Variants in MAGOH observed in about 807,000 individuals in gnomAD.
MAGOH encodes protein mago nashi homolog.
MAGOH carries 3 observed loss-of-function variants against 20.9 expected under a neutral mutation model. The observed-to-expected ratio is 0.14, with a 90% CI of 0.07 to 0.37. MAGOH has a LOEUF of 0.37. Among genes scored for constraint, MAGOH ranks in the 10% least tolerant of loss-of-function variants. The pLI is 1.00. For synonymous variants in MAGOH, 51 were observed against 61.0 expected (o/e 0.84, Z 0.76); for missense variants, 66 against 178.1 (o/e 0.37, Z 3.58).
At chr1:53,232,899 G>C (rs761619666) in intron 3 of MAGOH, among the ~76,000 whole-genome samples, 2 of 152,218 alleles carry the variant, frequency 1.3e-5, no homozygotes, top group Non-Finnish European at 2.9e-5. Flanking sequence ...TCAGGAGTTT[G>C]AGACTAGCCT....
chr1:53,235,518 C>T, intron 2 of MAGOH, 59 bp downstream of exon 2: 1 of 1,438,454 alleles, frequency 7.0e-7, no homozygotes, highest in South Asian at 1.2e-5. Context: ...AAAAACAATG[C>T]AAGACAAAAA....
chr1:53,229,956 A>G lies in MAGOH; in HGVS notation c.259-1002T>C, dbSNP rs185925197. ...ACAAAAACAAAAACCAAAGAATCTA[A>G]TCTATCTAGGCAACTTCCAGACCTT... On this transcript the variant is annotated intron_variant, in intron 3 of 4. Transcript: ENST00000371470. 0.017 allele frequency among the ~76,000 whole-genome samples: 2,520 copies of G among 152,002 alleles called. 117 individuals are homozygous for G. In the East Asian group the frequency reaches 0.2, roughly 12 times the overall value.
In MAGOH at chr1:53,227,565, A is replaced by C. The variant is rs12137860; in HGVS notation, c.342-421T>G. On this transcript the variant is annotated intron_variant, in intron 4 of 4. Coordinates refer to ENST00000371470, the MANE Select transcript of MAGOH (RefSeq NM_002370.4). Reference sequence around the variant, plus strand: ...TGTTTTGTTTTGTTTTTTGAGACAGAGTTTTGCTCTTGTTGCCCAGGCTGG... The same window carrying C: ...TGTTTTGTTTTGTTTTTTGAGACAGCGTTTTGCTCTTGTTGCCCAGGCTGG... Among the ~76,000 whole-genome samples, 619 of 152,096 alleles carry C rather than the reference A, an allele frequency of 4.1e-3. 5 individuals carry two copies. Among genetic ancestry groups the C allele is most frequent in the Non-Finnish European group, 6.3e-3 (431 of 67,988 alleles).
chr1:53,233,746 G>T, intron 2 of MAGOH, 94 bp from the exon 3 acceptor site: 2 of 827,074 alleles, frequency 2.4e-6, no homozygotes, highest in Non-Finnish European at 2.0e-6. Flanking sequence ...TGTTCCTGCA[G>T]ACTTATTTCT....
intron 2 of MAGOH, 181 bp from the exon 3 acceptor site, chr1:53,233,833 A>T (rs1358012338): frequency 1.8e-6 from 1 of 543,450 alleles, no homozygotes; most frequent in Non-Finnish European, 3.3e-6. Context: ...AGAAGTATCC[A>T]GTAACTGCAC....
At chr1:53,230,836 T>C (rs1311323108) in intron 3 of MAGOH, among the ~76,000 whole-genome samples, 3 of 152,244 alleles carry the variant, frequency 2.0e-5, no homozygotes, top group Non-Finnish European at 4.4e-5. Flanking sequence ...TTTATCAATG[T>C]TGAGTTACAC....
At chr1:53,231,595 T>G (rs1219537228) in intron 3 of MAGOH, among the ~76,000 whole-genome samples, 1 of 152,250 alleles carries the variant, frequency 6.6e-6, no homozygotes, top group Non-Finnish European at 1.5e-5. Flanking sequence ...AGTCCACCTC[T>G]GTAGCACACT....
At chr1:53,235,698 T>C (rs113115846) in intron 1 of MAGOH, 63 bp from the exon 2 acceptor site, 3 of 1,352,442 alleles carry the variant, frequency 2.2e-6, no homozygotes, top group Non-Finnish European at 1.1e-6. Context: ...ATCAATACCA[T>C]GCCAAGGCAT....
chr1:53,233,576 G>C lies in MAGOH; in HGVS notation c.224C>G (p.Ala75Gly), dbSNP rs773037471. The C allele has an allele frequency of 6.2e-7, 1 of 1,614,006 alleles. No individual in the cohort carries two copies. The highest frequency in any genetic ancestry group is 2.2e-5 in the East Asian group (1 of 44,884). Reference protein sequence around the residue: ...DDSEITKEDDALWPPPDRVGR... With the variant: ...DDSEITKEDDGLWPPPDRVGR... The stretch of plus-strand genomic sequence containing the variant: ...CACTCGGTCAGGAGGAGGCCACAAT[G>C]CATCATCCTCTTTGGTAATTTCACT... The change falls in exon 3 of 5, where the codon GCA becomes GGA. Residue 75 changes from alanine to glycine, a missense_variant. By Grantham distance (60) the Ala-to-Gly change is moderately conservative (BLOSUM62 0). Transcript: ENST00000371470.
intron 1 of MAGOH, 90 bp from the exon 2 acceptor site, chr1:53,235,725 T>G: frequency 1.1e-6 from 1 of 927,718 alleles, no homozygotes; most frequent in Non-Finnish European, 1.7e-6. Flanking sequence ...TTGCCCAAAA[T>G]GTATCTAACT....
At chr1:53,228,794 G>A in intron 4 of MAGOH, 78 bp downstream of exon 4, 1 of 1,088,656 alleles carries the variant, frequency 9.2e-7, no homozygotes, top group Admixed American at 1.7e-5. Context: ...TTCCCATAAT[G>A]GTCCCAATTT....
Position 53,233,657 on chromosome 1 carries a change from A to G in MAGOH, c.148-5T>C. ...CACGCTTTTATGTACATAAGCCTGA[A>G]CGCAAGTTAAAAAACAAAATGTATG... On this transcript the variant is annotated splice_region_variant and splice_polypyrimidine_tract_variant and intron_variant, in intron 2 of 4. Coordinates refer to ENST00000371470, the MANE Select transcript of MAGOH (RefSeq NM_002370.4). The G allele has an allele frequency of 6.3e-7, 1 of 1,587,176 alleles. No homozygotes were observed. Among genetic ancestry groups the G allele is most frequent in the Non-Finnish European group, 8.6e-7 (1 of 1,156,268 alleles).
At chr1:53,233,674 A>C (rs1186969508) in intron 2 of MAGOH, 22 bp from the exon 3 acceptor site, 2 of 1,463,770 alleles carry the variant, frequency 1.4e-6, no homozygotes, top group Non-Finnish European at 1.9e-6. Context: ...TTAAAAAACA[A>C]AATGTATGTT....
chr1:53,230,222 T>G (rs1235724299), intron 3 of MAGOH, among the ~76,000 whole-genome samples: 1 of 152,240 alleles, frequency 6.6e-6, no homozygotes, highest in African/African-American at 2.4e-5. Context: ...ATATATCCTT[T>G]TTGTTATAAT....
chr1:53,234,320 G>C (rs894409457), intron 2 of MAGOH, among the ~76,000 whole-genome samples: 3 of 151,800 alleles, frequency 2.0e-5, no homozygotes, highest in African/African-American at 7.3e-5. Flanking sequence ...CCCAGTCTCA[G>C]GCATTTTGTT....
At chr1:53,234,873 C>CT (rs1401177825) in intron 2 of MAGOH, among the ~76,000 whole-genome samples, 6 of 152,102 alleles carry the variant, frequency 3.9e-5, no homozygotes, top group African/African-American at 1.4e-4. Flanking sequence ...TTGATGAAGC[C>CT]TTAATGATGT....
chr1:53,234,590 G>A (rs907025983), intron 2 of MAGOH, among the ~76,000 whole-genome samples: 1 of 151,978 alleles, frequency 6.6e-6, no homozygotes, highest in Non-Finnish European at 1.5e-5. Flanking sequence ...TAGCCAGGAT[G>A]GTCTCGATCT....
intron 1 of MAGOH, among the ~76,000 whole-genome samples, chr1:53,237,673 C>CA (rs1231950502): frequency 0.24 from 13,229 of 55,102 alleles, 1,828 homozygotes; most frequent in African/African-American, 0.38. Context: ...AAAGCCGTCT[C>CA]AAAAAAAAAA....
At chr1:53,230,576 C>T (rs1161122819) in intron 3 of MAGOH, among the ~76,000 whole-genome samples, 1 of 151,774 alleles carries the variant, frequency 6.6e-6, no homozygotes, top group Non-Finnish European at 1.5e-5. Context: ...CGCCACCACG[C>T]CCAGTTAATT....
Sources: allele counts gnomAD v4.1 joint callset (sites outside exome capture counted in the v4.1 genomes callset), GRCh38; gene constraint gnomAD v4.1.1; transcripts MANE v1.5; gene names NCBI Gene and HGNC (gene_info 2026-07-23, HGNC 2026-07-21).